Variants in GMNC observed in about 807,000 individuals in gnomAD.
The protein encoded by GMNC is geminin coiled-coil domain-containing protein 1.
GMNC carries 16 observed loss-of-function variants against 33.6 expected under a neutral mutation model. That is an observed-to-expected ratio of 0.48 (90% CI 0.32 to 0.72). The LOEUF (loss-of-function observed/expected upper bound fraction) is 0.72. Among genes scored for constraint, GMNC ranks in the 30% least tolerant of loss-of-function variants. The pLI is 0.03. For synonymous variants in GMNC, 156 were observed against 147.3 expected, an observed-to-expected ratio of 1.06 and a Z score of -0.43; for missense variants, 393 against 388.9, an observed-to-expected ratio of 1.01 and a Z score of -0.09.
chr3:190,852,466 A>G (rs773432178), downstream of GMNC, among the ~76,000 whole-genome samples: 4 of 152,148 alleles, frequency 2.6e-5, no homozygotes, highest in African/African-American at 9.6e-5. Context: ...GTGAGATACA[A>G]GTATGATTTA....
rs773644007 is a variant in GMNC, at chr3:190,852,765, T to C, written c.*2530A>G. ...TGCTATTAGGGAATGTTAAGCATGGTATAAAAATAGTTACCGCAATCACAA... is the reference window on the plus strand; with the variant it reads ...TGCTATTAGGGAATGTTAAGCATGGCATAAAAATAGTTACCGCAATCACAA... On this transcript the variant is annotated 3_prime_UTR_variant, in exon 5 of 5. Transcript: ENST00000442080. 3 of 152,104 alleles carry C rather than the reference T, an allele frequency of 2.0e-5. No homozygotes were observed. Among genetic ancestry groups the C allele is most frequent in the Non-Finnish European group, 4.4e-5 (3 of 67,984 alleles). 9.4% of individuals were successfully genotyped at this position (152,104 alleles called of 1,614,324 possible). A position where few individuals can be genotyped will look rare whatever the true frequency, so the allele number is the denominator to read the frequency against.
Position 190,855,437 on chromosome 3 carries a change from G to A in GMNC, c.863C>T (p.Pro288Leu), listed in dbSNP as rs1420843669. ...TLPYYTAHVSPNKTEMAFSTS... is the reference protein window; with the variant it reads ...TLPYYTAHVSLNKTEMAFSTS... ...GGAAAATGCCATCTCTGTCTTGTTG[G>A]GTGACACATGAGCAGTATAGTAAGG... is the stretch of plus-strand genomic sequence containing the variant. Residue 288 changes from proline (P) to leucine (L), a missense_variant, in exon 5 of 5, where the codon CCC becomes CTC. By Grantham distance (98) the Pro-to-Leu change is moderately conservative. Transcript: ENST00000442080. 1.9e-6 allele frequency: 3 copies of A among 1,551,922 alleles called. No individual in the cohort carries two copies. In the African/African-American group the frequency reaches 4.1e-5, roughly 21 times the overall value.
chr3:190,845,531 A>C, the GMNC span, among the ~76,000 whole-genome samples: 1 of 106,380 alleles, frequency 9.4e-6, no homozygotes, highest in East Asian at 3.2e-4. Flanking sequence ...TTTTTTTGAG[A>C]CTGAGTCTCG....
the GMNC span, among the ~76,000 whole-genome samples, chr3:190,844,657 A>G: frequency 2.0e-5 from 3 of 152,022 alleles, no homozygotes; most frequent in Admixed American, 1.3e-4. Context: ...TGCCAAAATT[A>G]TATAAAAAAA....
At chr3:190,845,860 A>C in the GMNC span, among the ~76,000 whole-genome samples, 1 of 152,172 alleles carries the variant, frequency 6.6e-6, no homozygotes, top group Admixed American at 6.5e-5. Flanking sequence ...CAGTTTCAGG[A>C]AATAAGCAGT....
Position 190,855,510 on chromosome 3 carries a change from G to A in GMNC, c.790C>T (p.His264Tyr). Residue 264 changes from histidine (H) to tyrosine (Y), a missense_variant, in exon 5 of 5, where the codon CAC (histidine) becomes TAC (tyrosine). His to Tyr is a moderately conservative substitution (Grantham distance 83). Coordinates refer to ENST00000442080, the MANE Select transcript of GMNC (RefSeq NM_001146686.3). Reference sequence around the variant, plus strand: ...GGATTTGAAAGTTGAGAAAGGATGTGGAAATCTTCTCCATGAGTGGCAGTG... The same window carrying A: ...GGATTTGAAAGTTGAGAAAGGATGTAGAAATCTTCTCCATGAGTGGCAGTG... The part of the protein sequence containing the change: ...HSTATHGEDF[H>Y]ILSQLSNPPV... The A allele has an allele frequency of 6.4e-7, 1 of 1,551,752 alleles. No individual in the cohort carries two copies. The highest frequency in any genetic ancestry group is 2.0e-5 in the Admixed American group (1 of 50,986).
In GMNC at chr3:190,860,878, G is replaced by A. The variant is rs762195190; in HGVS notation, c.4-20C>T. The A allele has an allele frequency of 9.0e-5, 136 of 1,516,078 alleles. No homozygotes were observed. The highest frequency in any genetic ancestry group is 1.7e-4 in the Middle Eastern group (1 of 5,860). 93.9% of individuals were successfully genotyped at this position (1,516,078 alleles called of 1,614,324 possible). A position where few individuals can be genotyped will look rare whatever the true frequency, so the allele number is the denominator to read the frequency against. On this transcript the variant is annotated intron_variant, in intron 1 of 4. Coordinates refer to ENST00000442080, the MANE Select transcript of GMNC (RefSeq NM_001146686.3). Reference sequence around the variant, plus strand: ...GGTGTTCTGTGAAATTCAGTATGGGGGGAGTGAGGGGTCCCAAAAGATGGG... The same window carrying A: ...GGTGTTCTGTGAAATTCAGTATGGGAGGAGTGAGGGGTCCCAAAAGATGGG...
intron 2 of GMNC, chr3:190,859,950 A>G (rs1471692647): frequency 3.5e-6 from 1 of 283,028 alleles, no homozygotes; most frequent in Non-Finnish European, 7.3e-6. Context: ...ATATTCAACA[A>G]TGTCCTCCCT....
chr3:190,849,069 G>A (rs779216199), downstream of GMNC, among the ~76,000 whole-genome samples: 6 of 151,976 alleles, frequency 3.9e-5, no homozygotes, highest in South Asian at 2.1e-4. Context: ...TTTTACTCTC[G>A]TCGTTAACAG....
At chr3:190,845,602 C>T in the GMNC span, among the ~76,000 whole-genome samples, 2 of 150,872 alleles carry the variant, frequency 1.3e-5, no homozygotes, top group Admixed American at 1.3e-4. Context: ...CTCCGCTTCC[C>T]GGGTTCAAGC....
At position 190,861,506 on chromosome 3, in the gene GMNC, CT is replaced by C. The variant is rs1383421548; in HGVS notation, c.4-649del. 2.0e-5 allele frequency among the ~76,000 whole-genome samples: 3 copies of C among 149,666 alleles called. No homozygotes were observed. Among genetic ancestry groups the C allele is most frequent in the Non-Finnish European group, 4.5e-5 (3 of 67,286 alleles). On this transcript the variant is annotated intron_variant, in intron 1 of 4. Transcript: ENST00000442080. This position sits in a 1 kb window ranked among gnomAD's most constrained non-coding sequence, Gnocchi z 5.1. ...TCTATCTATCTATCTATCTATCTAT[CT>C]ATCTCTGTCCCAGAGATAATTAAAA...
chr3:190,845,323 G>T, the GMNC span, among the ~76,000 whole-genome samples: 2 of 152,052 alleles, frequency 1.3e-5, no homozygotes, highest in Non-Finnish European at 2.9e-5. Context: ...CAGTGCATTA[G>T]TCCGTTCCCA....
chr3:190,851,357 G>A (rs937670179), downstream of GMNC, among the ~76,000 whole-genome samples: 1 of 152,156 alleles, frequency 6.6e-6, no homozygotes, highest in African/African-American at 2.4e-5. Context: ...GCTTTTGTAA[G>A]GTGAGTGTTA....
rs1473663417 is a variant in GMNC at position 190,859,023 on chromosome 3, A to T, written c.179-7T>A. The T allele has an allele frequency of 6.8e-7, 1 of 1,477,062 alleles. No individual in the cohort carries two copies. The allele number at this position is 1,477,062 out of a possible 1,614,324, so 91.5% of individuals were successfully genotyped here. ...TTTGAGTCACTGAATGATTCTGTGA[A>T]AATACAAATAGATAACTGAGAAAAT... On this transcript the variant is annotated splice_region_variant and splice_polypyrimidine_tract_variant and intron_variant, in intron 2 of 4. Coordinates refer to ENST00000442080, the MANE Select transcript of GMNC (RefSeq NM_001146686.3).
At position 190,860,878 on chromosome 3, in the gene GMNC, G is replaced by T; in HGVS notation, c.4-20C>A. 2.6e-6 allele frequency: 4 copies of T among 1,516,198 alleles called. No homozygotes were observed. The highest frequency in any genetic ancestry group is 3.6e-6 in the Non-Finnish European group (4 of 1,121,442). 93.9% of individuals were successfully genotyped at this position (1,516,198 alleles called of 1,614,324 possible). The stretch of plus-strand genomic sequence containing the variant: ...GGTGTTCTGTGAAATTCAGTATGGG[G>T]GGAGTGAGGGGTCCCAAAAGATGGG... On this transcript the variant is annotated intron_variant, in intron 1 of 4. Transcript: ENST00000442080.
In GMNC at chr3:190,862,362, A is replaced by AAGAGAGAGAGAGAGAGGGCGAGAGAGAG. The variant is rs371567527; in HGVS notation, c.3+250_3+251insCTCTCTCTCGCCCTCTCTCTCTCTCTCT. ...AAGTAAGGAAAGTAGTAATAACAGAAAGAGAGAGAGAGGGCGAGAGAGAGA... is the reference window on the plus strand; with the variant it reads ...AAGTAAGGAAAGTAGTAATAACAGAAAGAGAGAGAGAGAGAGGGCGAGAGAGAGAGAGAGAGAGAGGGCGAGAGAGAGA... On this transcript the variant is annotated intron_variant, in intron 1 of 4. Transcript: ENST00000442080. The surrounding 1 kb of genome is among the most constrained non-coding windows in gnomAD (Gnocchi z 4.5). 1.4e-5 allele frequency among the ~76,000 whole-genome samples: 2 copies of AAGAGAGAGAGAGAGAGGGCGAGAGAGAG among 147,548 alleles called. No individual in the cohort carries two copies. The highest frequency in any genetic ancestry group is 5.0e-5 in the African/African-American group (2 of 40,256).
intron 3 of GMNC, 135 bp from the exon 4 acceptor site, chr3:190,858,034 C>T: frequency 1.6e-6 from 1 of 624,352 alleles, no homozygotes; most frequent in Non-Finnish European, 2.9e-6. Flanking sequence ...GAGCCCTCAT[C>T]CTGAGAGGCC....
intron 4 of GMNC, 114 bp from the exon 5 acceptor site, chr3:190,856,029 G>A (rs1406548847): frequency 7.9e-6 from 6 of 761,228 alleles, no homozygotes; most frequent in Non-Finnish European, 1.2e-5. Context: ...GATTGGATTA[G>A]CTTGTTTGTA....
In GMNC at chr3:190,861,481, T is replaced by TCTAC. The variant is rs1188095623; in HGVS notation, c.4-624_4-623insGTAG. ...ATCTATCTATCTATCTATCTATCTA[T>TCTAC]CTATCTATCTATCTATCTATCTATC... On this transcript the variant is annotated intron_variant, in intron 1 of 4. Transcript: ENST00000442080. The surrounding 1 kb of genome is among the most constrained non-coding windows in gnomAD (Gnocchi z 5.1). Among the ~76,000 whole-genome samples the TCTAC allele has an allele frequency of 2.6e-5, 4 of 151,910 alleles. No homozygotes were observed. The highest frequency in any genetic ancestry group is 5.9e-5 in the Non-Finnish European group (4 of 67,968).
Sources: allele counts gnomAD v4.1 joint callset (sites outside exome capture counted in the v4.1 genomes callset), GRCh38; gene constraint gnomAD v4.1.1; non-coding constraint Gnocchi (gnomAD v3.1); transcripts MANE v1.5; gene names NCBI Gene and HGNC (gene_info 2026-07-23, HGNC 2026-07-21).